The following FGF12 variants were observed in gnomAD, a reference collection of about 807,000 sequenced individuals.
FGF12 encodes the protein fibroblast growth factor 12, also known as fibroblast growth factor 12B.
FGF12 carries 14 observed loss-of-function variants against 23.6 expected under a neutral mutation model. That is an observed-to-expected ratio of 0.59 (90% confidence interval 0.39 to 0.93). FGF12 has a LOEUF of 0.93. FGF12 is among the 40% of genes least tolerant of loss of function. The pLI, the probability that FGF12 is intolerant of heterozygous loss-of-function variation, is 0.00. For synonymous variants in FGF12, 62 were observed against 77.3 expected, an observed-to-expected ratio of 0.80 and a Z score of 1.04; for missense variants, 175 against 217.8, an observed-to-expected ratio of 0.80 and a Z score of 1.24.
intron 4 of FGF12, among the ~76,000 whole-genome samples, chr3:192,258,149 C>T (rs957247581): frequency 2.0e-5 from 3 of 151,706 alleles, no homozygotes; most frequent in Admixed American, 1.3e-4. Flanking sequence ...ATATAAGACA[C>T]GACAATAAAT....
intron 2 of FGF12, among the ~76,000 whole-genome samples, chr3:192,455,238 G>A (rs186253047): frequency 1.2e-4 from 18 of 152,226 alleles, no homozygotes; most frequent in African/African-American, 3.1e-4. Flanking sequence ...ATACTGTTTC[G>A]GAGAGGGGAC....
chr3:192,669,553 G>A (rs571548906), intron 2 of FGF12, among the ~76,000 whole-genome samples: 103 of 131,054 alleles, frequency 7.9e-4, no homozygotes, highest in South Asian at 4.2e-3. Flanking sequence ...GCAGTGAGCC[G>A]AAATTGTGCC....
At chr3:192,673,037 T>C (rs2108697086) in intron 2 of FGF12, 1 of 151,070 alleles carries the variant, frequency 6.6e-6, no homozygotes, top group Non-Finnish European at 1.5e-5. Context: ...GATTGAGTGA[T>C]CACTTCAAGT....
intron 4 of FGF12, among the ~76,000 whole-genome samples, chr3:192,334,006 T>C (rs989132101): frequency 6.6e-6 from 1 of 152,074 alleles, no homozygotes; most frequent in African/African-American, 2.4e-5. Context: ...GTCTGCAGAG[T>C]AAACCATGGT....
chr3:192,532,443 T>G (rs1279432056), intron 2 of FGF12, among the ~76,000 whole-genome samples: 1 of 152,208 alleles, frequency 6.6e-6, no homozygotes, highest in African/African-American at 2.4e-5. Flanking sequence ...TGTTTTGTAG[T>G]TCTCCTTGTA....
intron 4 of FGF12, among the ~76,000 whole-genome samples, chr3:192,220,927 A>C (rs928467574): frequency 6.6e-6 from 1 of 152,216 alleles, no homozygotes; most frequent in Non-Finnish European, 1.5e-5. Context: ...TCTCTTTATT[A>C]GATGAAATGA....
rs1313566633 is a variant in FGF12 at position 192,550,269 on chromosome 3, GATA to G, written c.13+176909_13+176911del. Among the ~76,000 whole-genome samples, 8 of 150,934 alleles carry G rather than the reference GATA, an allele frequency of 5.3e-5. No individual in the cohort carries two copies. In the East Asian group the frequency reaches 5.8e-4, roughly 11 times the overall value. ...GTATGTATATATATGTATGTGCATAGATAATATTTGTACACACACGTATATATG... is the reference window on the plus strand; with the variant it reads ...GTATGTATATATATGTATGTGCATAGATATTTGTACACACACGTATATATG... On this transcript the variant is annotated intron_variant, in intron 2 of 5. Transcript: ENST00000445105.
intron 2 of FGF12, among the ~76,000 whole-genome samples, chr3:192,630,533 T>C (rs910476169): frequency 8.7e-5 from 13 of 149,066 alleles, no homozygotes; most frequent in African/African-American, 2.7e-4. Context: ...GTGTGACACA[T>C]TGTTGCTATA....
At chr3:192,241,054 C>A (rs1165322862) in intron 4 of FGF12, among the ~76,000 whole-genome samples, 2 of 152,146 alleles carry the variant, frequency 1.3e-5, no homozygotes, top group East Asian at 3.9e-4. Flanking sequence ...TAATCCAAGT[C>A]TTTAATATCT....
At chr3:192,578,457 AAAC>A (rs769759763) in intron 2 of FGF12, among the ~76,000 whole-genome samples, 7 of 152,188 alleles carry the variant, frequency 4.6e-5, no homozygotes, top group Non-Finnish European at 8.8e-5. Context: ...TTTTAAGATA[AAAC>A]AACAACAATA....
At chr3:192,241,114 T>C (rs1719595031) in intron 4 of FGF12, among the ~76,000 whole-genome samples, 1 of 152,200 alleles carries the variant, frequency 6.6e-6, no homozygotes, top group Non-Finnish European at 1.5e-5. Flanking sequence ...TTTTAACATG[T>C]AAGAATTCAG....
In FGF12 at chr3:192,357,167, G is replaced by C. The variant is rs1327360546; in HGVS notation, c.124+3261C>G. On this transcript the variant is annotated intron_variant, in intron 3 of 5. Transcript: ENST00000445105. ...TTTATTACTTTGTAATTTTTCTGAA[G>C]TCTTAAATGATTTTTTAAGTTAAAA... Among the ~76,000 whole-genome samples the C allele has an allele frequency of 3.9e-5, 6 of 152,226 alleles. No individual in the cohort carries two copies. In the East Asian group the frequency reaches 1.2e-3, roughly 29 times the overall value.
chr3:192,312,209 G>A (rs909545709), intron 4 of FGF12, among the ~76,000 whole-genome samples: 2 of 151,984 alleles, frequency 1.3e-5, no homozygotes, highest in Non-Finnish European at 2.9e-5. Flanking sequence ...TTGTGCTTTA[G>A]ATGTTATATC....
intron 4 of FGF12, among the ~76,000 whole-genome samples, chr3:192,177,296 A>G (rs933569931): frequency 2.6e-5 from 4 of 152,224 alleles, no homozygotes; most frequent in Non-Finnish European, 5.9e-5. Context: ...GCTCTTTGAT[A>G]ACTACAAAGG....
chr3:192,304,792 A>T (rs1274635127), intron 4 of FGF12, among the ~76,000 whole-genome samples: 1 of 152,172 alleles, frequency 6.6e-6, no homozygotes, highest in Non-Finnish European at 1.5e-5. Flanking sequence ...CATAATGCTT[A>T]TTCCATACTC....
chr3:192,582,600 G>C (rs1329300382), intron 2 of FGF12, among the ~76,000 whole-genome samples: 1 of 151,818 alleles, frequency 6.6e-6, no homozygotes, highest in East Asian at 1.9e-4. Context: ...AAACTGACTT[G>C]AATAGCTTTG....
rs111619846 is a variant in FGF12 at position 192,157,761 on chromosome 3, C to A, written c.427+12697G>T. The stretch of plus-strand genomic sequence containing the variant: ...TTGGGCATTGCTGTTATTTATAAAG[C>A]ACACAGCTATAATAAACCGGGTGCC... On this transcript the variant is annotated intron_variant, in intron 5 of 5. Coordinates refer to ENST00000445105, the MANE Select transcript of FGF12 (RefSeq NM_004113.6). Among the ~76,000 whole-genome samples, 186 of 152,270 alleles carry A rather than the reference C, an allele frequency of 1.2e-3. 2 individuals carry two copies. Among genetic ancestry groups the A allele is most frequent in the African/African-American group, 4.4e-3 (183 of 41,550 alleles).
chr3:192,577,144 T>A (rs1394539287), intron 2 of FGF12, among the ~76,000 whole-genome samples: 1 of 152,172 alleles, frequency 6.6e-6, no homozygotes, highest in Non-Finnish European at 1.5e-5. Flanking sequence ...CAATGGCACG[T>A]GTATACCTAT....
chr3:192,165,244 T>C (rs905464899), intron 5 of FGF12, among the ~76,000 whole-genome samples: 2 of 152,078 alleles, frequency 1.3e-5, no homozygotes, highest in South Asian at 4.2e-4. Flanking sequence ...TATGAGCCAC[T>C]GCGTCTGTCC....
Sources: allele counts gnomAD v4.1 joint callset (sites outside exome capture counted in the v4.1 genomes callset), GRCh38; gene constraint gnomAD v4.1.1; transcripts MANE v1.5; gene names NCBI Gene and HGNC (gene_info 2026-07-23, HGNC 2026-07-21).